Variants in ACTR3C observed in about 807,000 individuals in gnomAD.
ACTR3C encodes actin-related protein 3C.
ACTR3C carries 18 observed loss-of-function variants against 26.3 expected under a neutral mutation model. That is an observed-to-expected ratio of 0.68 (90% confidence interval 0.47 to 1.01). ACTR3C has a LOEUF of 1.01. ACTR3C is among the 50% of genes least tolerant of loss of function. ACTR3C has a pLI of 0.00. For synonymous variants in ACTR3C, 55 were observed against 94.5 expected (o/e 0.58, Z 2.42); for missense variants, 184 against 250.7 (o/e 0.73, Z 1.80).
chr7:150,119,771 C>T, the ACTR3C span, among the ~76,000 whole-genome samples: 2 of 152,214 alleles, frequency 1.3e-5, no homozygotes, highest in South Asian at 4.1e-4. Context: ...CCCAAATCAA[C>T]AGAATATACA....
chr7:149,936,009 A>G, the ACTR3C span, among the ~76,000 whole-genome samples: 2 of 146,436 alleles, frequency 1.4e-5, no homozygotes, highest in Non-Finnish European at 2.9e-5. Flanking sequence ...TCTTGCTGTC[A>G]GCGGTTTTGC....
the ACTR3C span, among the ~76,000 whole-genome samples, chr7:149,968,003 C>T: frequency 1.8e-4 from 28 of 152,166 alleles, no homozygotes; most frequent in African/African-American, 5.1e-4. Flanking sequence ...CTGCCCAGGA[C>T]GGCATATTCT....
the ACTR3C span, among the ~76,000 whole-genome samples, chr7:149,937,142 C>G: frequency 6.8e-6 from 1 of 147,720 alleles, no homozygotes; most frequent in Non-Finnish European, 1.5e-5. Context: ...ATAGTGCTGT[C>G]GGGAAGATCA....
At chr7:150,117,849 G>C in the ACTR3C span, among the ~76,000 whole-genome samples, 1 of 152,194 alleles carries the variant, frequency 6.6e-6, no homozygotes, top group Non-Finnish European at 1.5e-5. Flanking sequence ...ACTGGCATCT[G>C]GTGGGTGCCC....
the ACTR3C span, among the ~76,000 whole-genome samples, chr7:150,199,061 A>T: frequency 6.9e-6 from 1 of 145,000 alleles, no homozygotes; most frequent in Non-Finnish European, 1.5e-5. Flanking sequence ...CCTACTGGGA[A>T]GTGAGGAGCC....
chr7:150,066,084 A>G, the ACTR3C span, among the ~76,000 whole-genome samples: 1 of 152,362 alleles, frequency 6.6e-6, no homozygotes, highest in Non-Finnish European at 1.5e-5. Flanking sequence ...TCGAGCTCCA[A>G]AACAAATGTT....
At chr7:150,127,707 G>C in the ACTR3C span, among the ~76,000 whole-genome samples, 1 of 151,706 alleles carries the variant, frequency 6.6e-6, no homozygotes, top group South Asian at 2.1e-4. Flanking sequence ...AAAAATTTTT[G>C]CGACTTGTAT....
chr7:150,010,396 T>G, the ACTR3C span, among the ~76,000 whole-genome samples: 2 of 152,268 alleles, frequency 1.3e-5, no homozygotes, highest in East Asian at 3.9e-4. Flanking sequence ...GTGAGATATT[T>G]AACAGATCCC....
the ACTR3C span, among the ~76,000 whole-genome samples, chr7:150,027,747 A>G: frequency 1.3e-5 from 2 of 152,058 alleles, no homozygotes; most frequent in African/African-American, 4.8e-5. Flanking sequence ...TAAATAACCA[A>G]TGGTCCATGG....
At chr7:149,896,895 C>A in the ACTR3C span, among the ~76,000 whole-genome samples, 76,867 of 150,466 alleles carry the variant, frequency 0.51, 19,998 homozygotes, top group South Asian at 0.71. Flanking sequence ...CCTCATCTCT[C>A]CTTAAAAATA....
the ACTR3C span, among the ~76,000 whole-genome samples, chr7:150,033,212 C>T: frequency 6.6e-6 from 1 of 152,116 alleles, no homozygotes; most frequent in East Asian, 1.9e-4. Flanking sequence ...GGTGGGTTTT[C>T]CCCACTCTGA....
the ACTR3C span, among the ~76,000 whole-genome samples, chr7:150,061,305 T>G: frequency 7.0e-6 from 1 of 141,968 alleles, no homozygotes; most frequent in African/African-American, 2.6e-5. Flanking sequence ...CTTCTGCACC[T>G]GTCTTCTTGG....
chr7:150,166,307 G>A, the ACTR3C span, among the ~76,000 whole-genome samples: 5 of 151,038 alleles, frequency 3.3e-5, no homozygotes, highest in Non-Finnish European at 7.3e-5. Context: ...ATCAAATCAG[G>A]GTAATTAGGA....
At chr7:150,071,987 C>G in the ACTR3C span, among the ~76,000 whole-genome samples, 1 of 145,884 alleles carries the variant, frequency 6.9e-6, no homozygotes, top group African/African-American at 2.5e-5. Context: ...GGGCAGATAT[C>G]CAAAGGAGAG....
the ACTR3C span, among the ~76,000 whole-genome samples, chr7:149,951,318 T>G: frequency 1.4e-5 from 2 of 143,002 alleles, no homozygotes; most frequent in Non-Finnish European, 3.0e-5. Flanking sequence ...TGTGACAAAA[T>G]CCTATAAACC....
the ACTR3C span, among the ~76,000 whole-genome samples, chr7:150,028,585 G>A: frequency 0.026 from 3,828 of 149,400 alleles, no homozygotes; most frequent in African/African-American, 0.094. Context: ...GTGGGCACCT[G>A]TTTGTGGGCT....
chr7:149,939,219 A>G, the ACTR3C span, among the ~76,000 whole-genome samples: 1 of 152,102 alleles, frequency 6.6e-6, no homozygotes, highest in Non-Finnish European at 1.5e-5. Context: ...ACCTCAGGTG[A>G]TTCACCTGCC....
intron 1 of ACTR3C, among the ~76,000 whole-genome samples, chr7:150,320,675 A>G (rs555977116): frequency 6.6e-6 from 1 of 152,342 alleles, no homozygotes; most frequent in Non-Finnish European, 1.5e-5. Flanking sequence ...AAGCAGGAGA[A>G]TCACTTGAAC....
At chr7:150,248,073 T>C (rs2533327) in intron 7 of ACTR3C, 6 of 152,330 alleles carry the variant, frequency 3.9e-5, no homozygotes, top group African/African-American at 1.2e-4. Flanking sequence ...CCAGCCAAAC[T>C]ACAATGGAAC....
Sources: gnomAD v4.1 joint callset for allele counts (sites outside exome capture counted in the v4.1 genomes callset) on GRCh38, gnomAD v4.1.1 for gene constraint, MANE v1.5 for transcripts, NCBI Gene and HGNC (gene_info 2026-07-23, HGNC 2026-07-21) for gene names.